The following RBFOX1 variants were observed in gnomAD, a reference collection of about 807,000 sequenced individuals.
RBFOX1 encodes the protein RNA binding protein fox-1 homolog 1.
RBFOX1 carries 8 observed loss-of-function variants against 57.7 expected under a neutral mutation model. The observed-to-expected ratio is 0.14, with a 90% confidence interval of 0.08 to 0.25. The LOEUF (loss-of-function observed/expected upper bound fraction) is 0.25. Among genes scored for constraint, RBFOX1 ranks in the 10% least tolerant of loss-of-function variants. RBFOX1 has a pLI of 1.00. For missense variants in RBFOX1, 611 were observed against 548.5 expected (o/e 1.11, Z -1.14); for synonymous variants, 326 against 222.4 (o/e 1.47, Z -4.15).
At chr16:6,288,421 C>A (rs1003462229) in intron 1 of RBFOX1, among the ~76,000 whole-genome samples, 4 of 152,154 alleles carry the variant, frequency 2.6e-5, no homozygotes, top group African/African-American at 9.7e-5. Flanking sequence ...TGATGGGATG[C>A]TACCAAGTCA....
At chr16:7,705,941 G>A (rs2082290034) in intron 14 of RBFOX1, among the ~76,000 whole-genome samples, 1 of 152,164 alleles carries the variant, frequency 6.6e-6, no homozygotes. Context: ...TTTGGCCAGG[G>A]ATGCATGGTG....
chr16:5,768,845 C>T (rs143660177), intron 3 of RBFOX1, among the ~76,000 whole-genome samples: 106 of 151,866 alleles, frequency 7.0e-4, no homozygotes, highest in African/African-American at 2.5e-3. Context: ...AGAAGATGCT[C>T]GACTACACGG....
intron 2 of RBFOX1, among the ~76,000 whole-genome samples, chr16:6,319,407 G>C (rs780774017): frequency 2.0e-5 from 3 of 152,030 alleles, no homozygotes. Context: ...ATTTACTGTC[G>C]TGTTGGTAGA....
intron 4 of RBFOX1, among the ~76,000 whole-genome samples, chr16:7,472,551 T>C (rs747214530): frequency 6.6e-6 from 1 of 152,222 alleles, no homozygotes; most frequent in Non-Finnish European, 1.5e-5. Context: ...CAGTACACAG[T>C]GCAAATATAC....
intron 1 of RBFOX1, among the ~76,000 whole-genome samples, chr16:5,337,002 A>C (rs75346994): frequency 1.6e-3 from 237 of 152,272 alleles, no homozygotes; most frequent in African/African-American, 5.3e-3. Flanking sequence ...GGTGCCAATT[A>C]ATTGCTTTCC....
At chr16:5,671,957 C>G (rs1156297065) in intron 3 of RBFOX1, among the ~76,000 whole-genome samples, 1 of 152,122 alleles carries the variant, frequency 6.6e-6, no homozygotes, top group East Asian at 1.9e-4. Context: ...TCAGTTTTCT[C>G]TCAAAGTGAT....
chr16:7,341,972 T>C (rs2096906715), intron 4 of RBFOX1, among the ~76,000 whole-genome samples: 1 of 152,050 alleles, frequency 6.6e-6, no homozygotes, highest in South Asian at 2.1e-4. Context: ...TCTTCTGCTC[T>C]TTAATCTGTA....
At chr16:7,596,856 T>A (rs918852425) in intron 8 of RBFOX1, among the ~76,000 whole-genome samples, 1 of 152,204 alleles carries the variant, frequency 6.6e-6, no homozygotes, top group Non-Finnish European at 1.5e-5. Context: ...TAAAAGGCTC[T>A]TGTTCCAAGT....
intron 3 of RBFOX1, among the ~76,000 whole-genome samples, chr16:6,719,231 G>T (rs1389762973): frequency 6.6e-6 from 1 of 151,712 alleles, no homozygotes; most frequent in African/African-American, 2.4e-5. Context: ...TTCCTTCATA[G>T]TATTCAATAT....
rs75938231 is a variant in RBFOX1 at position 7,602,053 on chromosome 16, G to A, written c.622+4622G>A. ...AGGCAGTTTTTGTAATTCCTGTAGC[G>A]TACATAAGGGTGCTCTCTGGAATGC... On this transcript the variant is annotated intron_variant, in intron 9 of 15. Coordinates refer to ENST00000550418, the MANE Select transcript of RBFOX1 (RefSeq NM_018723.4). 1.5e-3 allele frequency among the ~76,000 whole-genome samples: 234 copies of A among 152,224 alleles called. 1 individual carries two copies. The highest frequency in any genetic ancestry group is 2.4e-3 in the Non-Finnish European group (161 of 68,014).
chr16:6,830,456 T>A (rs768008602), intron 3 of RBFOX1, among the ~76,000 whole-genome samples: 3 of 152,068 alleles, frequency 2.0e-5, no homozygotes, highest in Non-Finnish European at 4.4e-5. Flanking sequence ...AGGAAGACCT[T>A]AGAAAAATAA....
At chr16:5,894,785 G>A (rs1170537077) in intron 4 of RBFOX1, among the ~76,000 whole-genome samples, 7 of 152,070 alleles carry the variant, frequency 4.6e-5, no homozygotes, top group Admixed American at 2.6e-4. Flanking sequence ...ACTTTGGGAG[G>A]CCGAGGCAGG....
chr16:6,269,962 A>G (rs1012712260), intron 1 of RBFOX1, among the ~76,000 whole-genome samples: 3 of 152,342 alleles, frequency 2.0e-5, no homozygotes, highest in Non-Finnish European at 4.4e-5. Context: ...GGAAGGGAAC[A>G]TAAAGGGAGT....
intron 4 of RBFOX1, among the ~76,000 whole-genome samples, chr16:7,381,498 C>T (rs1339628309): frequency 1.0e-5 from 1 of 95,916 alleles, no homozygotes; most frequent in Non-Finnish European, 2.1e-5. Flanking sequence ...TACATCGTTC[C>T]CCCCCGCCTT....
intron 4 of RBFOX1, among the ~76,000 whole-genome samples, chr16:7,141,315 C>A (rs911754162): frequency 6.6e-6 from 1 of 152,124 alleles, no homozygotes; most frequent in East Asian, 1.9e-4. Context: ...CCACGGAATA[C>A]CAGACACAGT....
At chr16:6,854,209 T>G (rs748506800) in intron 3 of RBFOX1, among the ~76,000 whole-genome samples, 1 of 152,300 alleles carries the variant, frequency 6.6e-6, no homozygotes, top group South Asian at 2.1e-4. Context: ...GAGCTTGCAT[T>G]CATCTTCACT....
intron 2 of RBFOX1, among the ~76,000 whole-genome samples, chr16:6,384,995 C>T (rs577322317): frequency 6.6e-6 from 1 of 152,206 alleles, no homozygotes; most frequent in African/African-American, 2.4e-5. Flanking sequence ...GTCACTCACC[C>T]TATTTCAGCA....
At chr16:5,449,001 C>G (rs780718843) in intron 1 of RBFOX1, among the ~76,000 whole-genome samples, 1 of 152,234 alleles carries the variant, frequency 6.6e-6, no homozygotes. Flanking sequence ...GGCCTTTGCA[C>G]GTGGCCAGGT....
At chr16:6,796,833 T>C (rs2084174885) in intron 3 of RBFOX1, among the ~76,000 whole-genome samples, 1 of 152,220 alleles carries the variant, frequency 6.6e-6, no homozygotes, top group South Asian at 2.1e-4. Flanking sequence ...TGATAAATTT[T>C]GGGAATGATA....
Sources: allele counts gnomAD v4.1 joint callset (sites outside exome capture counted in the v4.1 genomes callset), GRCh38; gene constraint gnomAD v4.1.1; transcripts MANE v1.5; gene names NCBI Gene and HGNC (gene_info 2026-07-23, HGNC 2026-07-21).